CDK20: variants seen among roughly 807,000 people sequenced by gnomAD.
The protein encoded by CDK20 is cyclin dependent kinase 20, also known as cyclin-dependent kinase 20.
Under a neutral mutation model 38.6 loss-of-function variants are expected in CDK20, and 40 were observed. The observed-to-expected ratio is 1.04, with a 90% CI of 0.81 to 1.35. The LOEUF (loss-of-function observed/expected upper bound fraction) is 1.35. CDK20 is among the 40% of genes most tolerant of loss of function. The probability of loss-of-function intolerance (pLI) is 0.00; values close to 1 mark genes in which losing one functional copy is unlikely to be tolerated. For missense variants in CDK20, 512 were observed against 452.6 expected (o/e 1.13, Z -1.19); for synonymous variants, 209 against 185.7 (o/e 1.13, Z -1.02).
At chr9:87,969,570 A>G (rs1275974036) in intron 6 of CDK20, 6 of 769,664 alleles carry the variant, frequency 7.8e-6, no homozygotes, top group African/African-American at 1.7e-5. Context: ...TTGCTGAGAC[A>G]CTGCACATGT....
chr9:87,971,362 C>CTCAAGT, intron 2 of CDK20, 27 bp from the exon 3 acceptor site: 1 of 1,588,628 alleles, frequency 6.3e-7, no homozygotes, highest in Non-Finnish European at 8.6e-7. Context: ...TTGTTAGCCC[C>CTCAAGT]CAGACTCAAG....
At chr9:87,970,722 C>G in intron 4 of CDK20, 54 bp downstream of exon 4, 1 of 1,613,164 alleles carries the variant, frequency 6.2e-7, no homozygotes, top group Non-Finnish European at 8.5e-7. Flanking sequence ...GAGAAAAGGC[C>G]CAGAAGCATC....
chr9:87,966,760 C>A lies in CDK20; in HGVS notation c.*702G>T, dbSNP rs939483. The A allele has an allele frequency of 3.2e-6, 1 of 314,476 alleles. No homozygotes were observed. Among genetic ancestry groups the A allele is most frequent in the Admixed American group, 4.1e-5 (1 of 24,416 alleles). The allele number at this position is 314,476 out of a possible 1,614,324, so 19.5% of individuals were successfully genotyped here. ...GTGCAGAGGGTCTCCTGCTGGATCC[C>A]CAACTGGAGCCATCCCTGGGCCTAG... On this transcript the variant is annotated 3_prime_UTR_variant, in exon 8 of 8. Transcript: ENST00000325303.
rs1330235353 is a variant in CDK20, at chr9:87,974,114, T to TGA, written c.76-81_76-80dup. The TGA allele has an allele frequency of 5.0e-6, 8 of 1,602,950 alleles. No homozygotes were observed. In the African/African-American group the frequency reaches 5.3e-5, roughly 11 times the overall value. On this transcript the variant is annotated intron_variant, in intron 1 of 7. Coordinates refer to ENST00000325303, the MANE Select transcript of CDK20 (RefSeq NM_001039803.3). ...TGAAGGTGGGTGAGGGGAAGGTGGT[T>TGA]GAGAGAGAGACACGCGCCCCCGGCT... is the stretch of plus-strand genomic sequence containing the variant.
intron 2 of CDK20, among the ~76,000 whole-genome samples, chr9:87,971,658 TCTC>T (rs1456001482): frequency 3.3e-5 from 5 of 151,830 alleles, no homozygotes; most frequent in East Asian, 1.9e-4. Context: ...GATGGACAGG[TCTC>T]CTCCTGTTTC....
chr9:87,971,138 G>C lies in CDK20; in HGVS notation c.378+9C>G, dbSNP rs1227832953. 6.2e-7 allele frequency: 1 copy of C among 1,612,244 alleles called. No homozygotes were observed. On this transcript the variant is annotated intron_variant, in intron 3 of 7. Coordinates refer to ENST00000325303, the MANE Select transcript of CDK20 (RefSeq NM_001039803.3). Reference sequence around the variant, plus strand: ...CCAGACCCCATGCCCGGCCTATGCTGAGACTGACCCGATGTACAATGTTGT... The same window carrying C: ...CCAGACCCCATGCCCGGCCTATGCTCAGACTGACCCGATGTACAATGTTGT...
intron 6 of CDK20, chr9:87,969,578 T>C (rs1345690419): frequency 2.6e-6 from 2 of 782,632 alleles, no homozygotes; most frequent in East Asian, 2.6e-5. Context: ...ACACTGCACA[T>C]GTGTGTACTG....
chr9:87,969,672 G>T (rs1829710456), intron 6 of CDK20, 124 bp downstream of exon 6: 1 of 1,453,396 alleles, frequency 6.9e-7, no homozygotes. Context: ...CCAGGACAGT[G>T]GTCCCTGTCC....
At chr9:87,969,382 G>A (rs1371582459) in intron 6 of CDK20, 33 bp from the exon 7 acceptor site, 8 of 1,609,170 alleles carry the variant, frequency 5.0e-6, no homozygotes, top group Non-Finnish European at 6.8e-6. Context: ...GGTACAATGA[G>A]AGTAGTTCCC....
chr9:87,968,488 C>T (rs1270431856), intron 7 of CDK20: 1 of 152,470 alleles, frequency 6.6e-6, no homozygotes, highest in African/African-American at 2.4e-5. Flanking sequence ...GACACCCTGA[C>T]ACCTGTCAGC....
chr9:87,967,612 T>C lies in CDK20; in HGVS notation c.891A>G (p.Pro297=), dbSNP rs1829522731. ...GACGCTGAGGAATCGGCAGCTCAGA[T>C]GGATGGGCAGGCAGGGGAGCTGTGA... The part of the protein sequence containing the change: ...YFFTAPLPAH[P]SELPIPQRLG... The change falls in exon 8 of 8, where the codon CCA becomes CCG. Residue 297 remains proline, a synonymous_variant. Coordinates refer to ENST00000325303, the MANE Select transcript of CDK20 (RefSeq NM_001039803.3). The C allele has an allele frequency of 6.6e-7, 1 of 1,512,208 alleles. No homozygotes were observed. Among genetic ancestry groups the C allele is most frequent in the South Asian group, 1.3e-5 (1 of 77,466 alleles). The allele number at this position is 1,512,208 out of a possible 1,614,324, so 93.7% of individuals were successfully genotyped here. A position where few individuals can be genotyped will look rare whatever the true frequency, so the allele number is the denominator to read the frequency against.
chr9:87,974,493 A>C lies in CDK20; in HGVS notation c.-47T>G. 1 of 1,537,690 alleles carries C rather than the reference A, an allele frequency of 6.5e-7. No homozygotes were observed. Among genetic ancestry groups the C allele is most frequent in the Non-Finnish European group, 8.9e-7 (1 of 1,128,076 alleles). On this transcript the variant is annotated 5_prime_UTR_variant, in exon 1 of 8. Transcript: ENST00000325303. ...TGCCCCTGTGCCCCTGAACTTCCAA[A>C]CTCCACTTCTCCTCCACCCCACGCT...
rs1829773068 is a variant in CDK20, at chr9:87,970,557, AG to A, written c.563+10del. ...GCCATGTTACCCTTTGACCACCCACAGGGGTCTCACCACAGATCGACGCCCT... is the reference window on the plus strand; with the variant it reads ...GCCATGTTACCCTTTGACCACCCACAGGGTCTCACCACAGATCGACGCCCT... On this transcript the variant is annotated intron_variant, in intron 5 of 7. Transcript: ENST00000325303. 9 of 1,612,302 alleles carry A rather than the reference AG, an allele frequency of 5.6e-6. No homozygotes were observed. The highest frequency in any genetic ancestry group is 7.6e-6 in the Non-Finnish European group (9 of 1,178,832).
Position 87,966,539 on chromosome 9 carries a change from A to G in CDK20, c.*923T>C, listed in dbSNP as rs752556603. ...GTCCTTCCATCATTTCCTCTTCTGC[A>G]TCTGGTTCCACTTCCTTCCATGTAT... On this transcript the variant is annotated 3_prime_UTR_variant, in exon 8 of 8. Coordinates refer to ENST00000325303, the MANE Select transcript of CDK20 (RefSeq NM_001039803.3). 1.5e-4 allele frequency: 23 copies of G among 157,724 alleles called. No homozygotes were observed. The highest frequency in any genetic ancestry group is 3.2e-4 in the Non-Finnish European group (23 of 71,070). 9.8% of individuals were successfully genotyped at this position (157,724 alleles called of 1,614,324 possible).
At chr9:87,969,636 C>A (rs1829707914) in intron 6 of CDK20, 160 bp downstream of exon 6, 2 of 1,155,144 alleles carry the variant, frequency 1.7e-6, no homozygotes, top group South Asian at 2.9e-5. Flanking sequence ...CAAATGACAG[C>A]AGGAAGGAGG....
intron 2 of CDK20, among the ~76,000 whole-genome samples, chr9:87,971,958 C>CT (rs1426278984): frequency 2.0e-5 from 3 of 152,236 alleles, no homozygotes; most frequent in African/African-American, 7.2e-5. Context: ...AATCCCAGTA[C>CT]TTTGAGAGGC....
chr9:87,972,785 G>C (rs574909167), intron 2 of CDK20, among the ~76,000 whole-genome samples: 62 of 152,270 alleles, frequency 4.1e-4, no homozygotes, highest in African/African-American at 1.5e-3. Flanking sequence ...CATATCACCA[G>C]CTTCCTTATG....
intron 2 of CDK20, among the ~76,000 whole-genome samples, chr9:87,972,301 TGAG>T (rs1169475356): frequency 1.3e-5 from 2 of 152,120 alleles, no homozygotes; most frequent in African/African-American, 4.8e-5. Flanking sequence ...TGGGGCTAGA[TGAG>T]GACCCAGTTT....
At position 87,971,250 on chromosome 9, in the gene CDK20, AC is replaced by A. The variant is rs1251521741; in HGVS notation, c.274del (p.Val92CysfsTer8). On this transcript the variant is annotated frameshift_variant, in exon 3 of 8. Transcript: ENST00000325303. LOFTEE classifies it high-confidence loss of function. ...EFMLSDLAEV[V>X]RHAQRPLAQA... The stretch of plus-strand genomic sequence containing the variant: ...GGCTAGTGGCCTCTGGGCATGGCGC[AC>A]CACCTCGGCCAGATCCGACAGCATG... 4.3e-6 allele frequency: 7 copies of A among 1,613,944 alleles called. No homozygotes were observed. The African/African-American group carries it at 9.3e-5, about 22-fold the overall frequency.
Sources: gnomAD v4.1 joint callset for allele counts (sites outside exome capture counted in the v4.1 genomes callset) on GRCh38, gnomAD v4.1.1 for gene constraint, MANE v1.5 for transcripts, NCBI Gene and HGNC (gene_info 2026-07-23, HGNC 2026-07-21) for gene names.